Variants in DCAF1 observed in about 807,000 individuals in gnomAD.
DCAF1 encodes DDB1 and CUL4 associated factor 1, also known as DDB1- and CUL4-associated factor 1.
A neutral mutation model predicts 128.0 loss-of-function variants in DCAF1; 15 were observed. The observed-to-expected ratio is 0.12, with a 90% CI of 0.08 to 0.18. The LOEUF (loss-of-function observed/expected upper bound fraction) is 0.18. DCAF1 is among the 10% of genes least tolerant of loss of function. DCAF1 has a pLI of 1.00. For synonymous variants in DCAF1, 610 were observed against 603.0 expected, an observed-to-expected ratio of 1.01 and a Z score of -0.17; for missense variants, 988 against 1,649.5, an observed-to-expected ratio of 0.60 and a Z score of 6.95.
chr3:51,495,908 T>G (rs1415345846), intron 2 of DCAF1, among the ~76,000 whole-genome samples: 1 of 151,828 alleles, frequency 6.6e-6, no homozygotes, highest in South Asian at 2.1e-4. Context: ...GCAAGAGAAC[T>G]GCTTGAGCCT....
chr3:51,421,552 C>G (rs781837232), intron 14 of DCAF1, among the ~76,000 whole-genome samples: 3 of 152,082 alleles, frequency 2.0e-5, no homozygotes, highest in Non-Finnish European at 4.4e-5. Flanking sequence ...CCACTGTGCT[C>G]GACCTTTTCT....
chr3:51,485,303 T>G (rs576100007), intron 2 of DCAF1, among the ~76,000 whole-genome samples: 5 of 152,170 alleles, frequency 3.3e-5, no homozygotes, highest in Non-Finnish European at 7.3e-5. Flanking sequence ...AACTCATTTA[T>G]CCTTCAAGCT....
In DCAF1 at chr3:51,398,599, A is replaced by G; in HGVS notation, c.*170T>C. The G allele has an allele frequency of 1.2e-6, 1 of 800,722 alleles. No individual in the cohort carries two copies. Among genetic ancestry groups the G allele is most frequent in the South Asian group, 1.8e-5 (1 of 54,322 alleles). 49.6% of individuals were successfully genotyped at this position (800,722 alleles called of 1,614,324 possible). A position where few individuals can be genotyped will look rare whatever the true frequency, so the allele number is the denominator to read the frequency against. ...TTTTTGTGGTGGTTATTGATTCTGG[A>G]AGGACCCTCGGGTGCCAATGAGGCT... is the stretch of plus-strand genomic sequence containing the variant. On this transcript the variant is annotated 3_prime_UTR_variant, in exon 25 of 25. Coordinates refer to ENST00000684031, the MANE Select transcript of DCAF1 (RefSeq NM_001387579.1).
chr3:51,483,643 G>GTGTGTGTA, intron 3 of DCAF1, 76 bp downstream of exon 3: 1 of 913,964 alleles, frequency 1.1e-6, no homozygotes. Flanking sequence ...GTGTGTGTGT[G>GTGTGTGTA]TGTATGAAGA....
At chr3:51,418,012 C>A (rs1265278071) in intron 17 of DCAF1, 104 bp downstream of exon 17, 2 of 1,416,252 alleles carry the variant, frequency 1.4e-6, no homozygotes, top group Non-Finnish European at 1.9e-6. Flanking sequence ...CAATAACCGA[C>A]AGCATCCTCT....
intron 6 of DCAF1, among the ~76,000 whole-genome samples, chr3:51,452,448 G>C (rs937178350): frequency 8.6e-5 from 13 of 152,012 alleles, no homozygotes; most frequent in African/African-American, 3.1e-4. Context: ...TATGAAAAAG[G>C]CTTGCAATCT....
chr3:51,505,275 A>C, the DCAF1 span, among the ~76,000 whole-genome samples: 1 of 151,890 alleles, frequency 6.6e-6, no homozygotes, highest in Admixed American at 6.6e-5. Context: ...AAAAATAATA[A>C]TAATAAAAAT....
Position 51,420,547 on chromosome 3 carries a change from T to C in DCAF1, c.2423A>G (p.Tyr808Cys). The change falls in exon 15 of 25, where the codon TAT (tyrosine) becomes TGT (cysteine). Residue 808 changes from tyrosine (Y) to cysteine (C), a missense_variant. Tyr to Cys is a radical substitution (Grantham distance 194). This residue lies in a region of DCAF1 where 76 missense variants were observed against 186.9 expected (regional missense o/e 0.41). Coordinates refer to ENST00000684031, the MANE Select transcript of DCAF1 (RefSeq NM_001387579.1). The surrounding 1 kb of genome is among the most constrained non-coding windows in gnomAD (Gnocchi z 6.5). ...CACCCGTTCAATGAGTTCAGCAGCA[T>C]ACTTGCAGAACTTGACATGGTCACT... ...KRSDHVKFCK[Y>C]AAELIERVSG... is the part of the protein sequence containing the mutation. 6.2e-7 allele frequency: 1 copy of C among 1,613,970 alleles called. No individual in the cohort carries two copies. The highest frequency in any genetic ancestry group is 8.5e-7 in the Non-Finnish European group (1 of 1,179,888).
intron 5 of DCAF1, among the ~76,000 whole-genome samples, chr3:51,465,589 C>A (rs1704047339): frequency 6.6e-6 from 1 of 151,818 alleles, no homozygotes; most frequent in African/African-American, 2.4e-5. Flanking sequence ...ACTAAAAATA[C>A]AAAAATTAGC....
At chr3:51,402,574 T>TTTA (rs1303203189) in intron 24 of DCAF1, among the ~76,000 whole-genome samples, 3 of 132,714 alleles carry the variant, frequency 2.3e-5, no homozygotes, top group Non-Finnish European at 4.9e-5. Flanking sequence ...GCATTTTTTT[T>TTTA]TTTTTTTTTT....
chr3:51,499,167 T>G (rs191772699), intron 1 of DCAF1, among the ~76,000 whole-genome samples: 1 of 152,202 alleles, frequency 6.6e-6, no homozygotes, highest in African/African-American at 2.4e-5. Context: ...AGAAGTGAAG[T>G]TGTTAAGCAA....
intron 2 of DCAF1, among the ~76,000 whole-genome samples, chr3:51,494,119 T>A: frequency 6.7e-6 from 1 of 150,254 alleles, no homozygotes; most frequent in Non-Finnish European, 1.5e-5. Context: ...GTTTCCTTTT[T>A]TTTTTTTTTT....
intron 2 of DCAF1, among the ~76,000 whole-genome samples, chr3:51,496,482 T>C (rs1708249851): frequency 6.6e-6 from 1 of 151,796 alleles, no homozygotes; most frequent in African/African-American, 2.4e-5. Context: ...AGTTCTTAAG[T>C]GAGTTCCTTT....
intron 2 of DCAF1, among the ~76,000 whole-genome samples, chr3:51,495,588 T>C (rs1279515652): frequency 6.6e-6 from 1 of 151,240 alleles, no homozygotes; most frequent in Non-Finnish European, 1.5e-5. Flanking sequence ...TGAATTAACA[T>C]AGTATCAATG....
At chr3:51,423,819 C>CAAAA (rs200404018) in intron 13 of DCAF1, among the ~76,000 whole-genome samples, 6 of 70,530 alleles carry the variant, frequency 8.5e-5, no homozygotes, top group South Asian at 5.1e-4. Flanking sequence ...GACTCCGTTT[C>CAAAA]AAAAAAAAAA....
At chr3:51,453,019 A>G (rs1470524752) in intron 6 of DCAF1, among the ~76,000 whole-genome samples, 1 of 151,766 alleles carries the variant, frequency 6.6e-6, no homozygotes, top group Non-Finnish European at 1.5e-5. Context: ...CTGTCTCAAA[A>G]AAAAAAAAAA....
At chr3:51,402,566 ATTTTTTTTTTTT>A (rs540396047) in intron 24 of DCAF1, among the ~76,000 whole-genome samples, 1 of 84,984 alleles carries the variant, frequency 1.2e-5, no homozygotes, top group East Asian at 4.4e-4. Flanking sequence ...CCTACAAAGC[ATTTTTTTTTTTT>A]TTTTTTTTTT....
chr3:51,407,231 A>G (rs1697929185), intron 23 of DCAF1, among the ~76,000 whole-genome samples: 1 of 151,992 alleles, frequency 6.6e-6, no homozygotes, highest in East Asian at 1.9e-4. Flanking sequence ...GTAACATGTC[A>G]TATTTTGCTA....
At chr3:51,442,939 A>C (rs963650831) in intron 7 of DCAF1, among the ~76,000 whole-genome samples, 1 of 152,166 alleles carries the variant, frequency 6.6e-6, no homozygotes, top group Admixed American at 6.6e-5. Flanking sequence ...GTGGGAAGAG[A>C]AATCAGGAAG....
Sources: gnomAD v4.1 joint callset for allele counts (sites outside exome capture counted in the v4.1 genomes callset) on GRCh38, gnomAD v4.1.1 for gene constraint, gnomAD v4.1.1 regional missense constraint, Gnocchi (gnomAD v3.1) non-coding constraint, MANE v1.5 for transcripts, NCBI Gene and HGNC (gene_info 2026-07-23, HGNC 2026-07-21) for gene names.